The following CD34 variants were observed in gnomAD, a reference collection of about 807,000 sequenced individuals.
The protein encoded by CD34 is CD34 molecule, also known as hematopoietic progenitor cell antigen CD34.
Under a neutral mutation model 40.1 loss-of-function variants are expected in CD34, and 34 were observed. The observed-to-expected ratio is 0.85, with a 90% CI of 0.65 to 1.13. The LOEUF (loss-of-function observed/expected upper bound fraction) is 1.13, where lower values mean the gene tolerates loss of function less well. CD34 is among the 50% of genes most tolerant of loss of function. The probability of loss-of-function intolerance (pLI) is 0.00; values close to 1 mark genes in which losing one functional copy is unlikely to be tolerated. For synonymous variants in CD34, 209 were observed against 190.0 expected (o/e 1.10, Z -0.82); for missense variants, 426 against 466.9 (o/e 0.91, Z 0.81).
intron 2 of CD34, 79 bp from the exon 3 acceptor site, chr1:207,899,305 T>G: frequency 1.4e-6 from 2 of 1,461,120 alleles, no homozygotes; most frequent in Non-Finnish European, 9.5e-7. Context: ...GATATGGGCA[T>G]GCACTTCAAC....
At chr1:207,898,832 A>T (rs1662204604) in intron 3 of CD34, 141 bp downstream of exon 3, 2 of 890,064 alleles carry the variant, frequency 2.2e-6, no homozygotes, top group Non-Finnish European at 3.6e-6. Context: ...GCAATATTTA[A>T]ACTGTGTATT....
rs149122790 is a variant in CD34 at position 207,907,605 on chromosome 1, G to A, written c.79+3397C>T. 5.9e-3 allele frequency among the ~76,000 whole-genome samples: 904 copies of A among 152,206 alleles called. 6 individuals are homozygous for A. Among genetic ancestry groups the A allele is most frequent in the African/African-American group, 0.021 (858 of 41,494 alleles). On this transcript the variant is annotated intron_variant, in intron 1 of 7. Coordinates refer to ENST00000310833, the MANE Select transcript of CD34 (RefSeq NM_001025109.2). ...CCAATTAAGCCCAAAGGCCTTTTCC[G>A]TTGCATCTGAAGGGAAGTAACTCAT...
chr1:207,903,916 T>C (rs1477935267), intron 1 of CD34, among the ~76,000 whole-genome samples: 3 of 152,212 alleles, frequency 2.0e-5, no homozygotes, highest in African/African-American at 7.2e-5. Context: ...TATACCTTAA[T>C]AAGCATTAAT....
At chr1:207,909,869 C>G (rs886906465) in intron 1 of CD34, among the ~76,000 whole-genome samples, 4 of 152,348 alleles carry the variant, frequency 2.6e-5, no homozygotes, top group Admixed American at 2.6e-4. Context: ...CTGTCCCCAG[C>G]TGGGCGGACC....
rs374188146 is a variant in CD34, at chr1:207,887,844, C to T, written c.1052G>A (p.Gly351Glu). The T allele has an allele frequency of 1.9e-6, 3 of 1,614,204 alleles. No individual in the cohort carries two copies. Among genetic ancestry groups the T allele is most frequent in the Non-Finnish European group, 2.5e-6 (3 of 1,180,030 alleles). Reference protein sequence around the residue: ...SGPGTSPEAQGKASVNRGAQE... With the variant: ...SGPGTSPEAQEKASVNRGAQE... ...AGCCCCTCGGTTCACACTGGCCTTT[C>T]CCTGAGCCTCAGGGGAGGTCCCAGG... The change falls in exon 8 of 8, where the codon GGA (glycine) becomes GAA (glutamate). Residue 351 changes from glycine (G) to glutamate (E), a missense_variant. Coordinates refer to ENST00000310833, the MANE Select transcript of CD34 (RefSeq NM_001025109.2).
Position 207,899,014 on chromosome 1 carries a change from T to C in CD34, c.475A>G (p.Lys159Glu), listed in dbSNP as rs376801128. 6.2e-7 allele frequency: 1 copy of C among 1,614,084 alleles called. No individual in the cohort carries two copies. The highest frequency in any genetic ancestry group is 1.3e-5 in the African/African-American group (1 of 74,922). ...TSTSLATSPT[K>E]PYTSSSPILS... ...ATAGGAGAAGATGATGTATAGGGTT[T>C]AGTGGGAGATGTTGCAAGGCTAGTG... is the stretch of plus-strand genomic sequence containing the variant. The change falls in exon 3 of 8, where the codon AAA (lysine) becomes GAA (glutamate). Residue 159 changes from lysine to glutamate, a missense_variant. Physicochemically the swap from Lys to Glu is moderately conservative, Grantham distance 56. Coordinates refer to ENST00000310833, the MANE Select transcript of CD34 (RefSeq NM_001025109.2).
intron 1 of CD34, 147 bp downstream of exon 1, chr1:207,910,854 CG>C: frequency 3.9e-6 from 3 of 772,500 alleles, no homozygotes; most frequent in Non-Finnish European, 4.1e-6. Flanking sequence ...GCGCTGGCCC[CG>C]GGGGGAAGCA....
At chr1:207,903,194 T>C (rs1303609019) in intron 1 of CD34, among the ~76,000 whole-genome samples, 1 of 152,228 alleles carries the variant, frequency 6.6e-6, no homozygotes, top group Non-Finnish European at 1.5e-5. Flanking sequence ...CCTGGAGGAA[T>C]GACATTTATG....
At chr1:207,903,934 C>T (rs956044819) in intron 1 of CD34, among the ~76,000 whole-genome samples, 2 of 152,076 alleles carry the variant, frequency 1.3e-5, no homozygotes, top group African/African-American at 4.8e-5. Flanking sequence ...AATGATGTCA[C>T]TGAGTTGCAA....
chr1:207,910,333 C>G (rs761871185), intron 1 of CD34, among the ~76,000 whole-genome samples: 1 of 152,188 alleles, frequency 6.6e-6, no homozygotes, highest in African/African-American at 2.4e-5. Flanking sequence ...CAAATTCTGT[C>G]TACTTCTACC....
rs1208571407 is a variant in CD34 at position 207,885,404 on chromosome 1, AAGCATACATACACATTCC to A, written c.*2316_*2333del. 1 of 152,314 alleles carries A rather than the reference AAGCATACATACACATTCC, an allele frequency of 6.6e-6. No homozygotes were observed. Among genetic ancestry groups the A allele is most frequent in the African/African-American group, 2.4e-5 (1 of 41,390 alleles). The allele number at this position is 152,314 out of a possible 1,614,324, so 9.4% of individuals were successfully genotyped here. On this transcript the variant is annotated 3_prime_UTR_variant, in exon 8 of 8. Coordinates refer to ENST00000310833, the MANE Select transcript of CD34 (RefSeq NM_001025109.2). ...AATACACACACAGCCCTTCCTCCCA[AAGCATACATACACATTCC>A]AGCAAACTCAGGGTGAGATGCATTG... is the stretch of plus-strand genomic sequence containing the variant.
chr1:207,896,730 A>AT (rs987824110), intron 4 of CD34, among the ~76,000 whole-genome samples: 70 of 151,802 alleles, frequency 4.6e-4, no homozygotes, highest in Admixed American at 3.9e-4. Context: ...ATTTTAAAGC[A>AT]TTTTTTTTGC....
chr1:207,897,506 T>A lies in CD34; in HGVS notation c.584A>T (p.Lys195Met). Residue 195 changes from lysine (K) to methionine (M), a missense_variant, in exon 4 of 8, where the codon AAG (lysine) becomes ATG (methionine). By Grantham distance (95) the Lys-to-Met change is moderately conservative (BLOSUM62 -1). Coordinates refer to ENST00000310833, the MANE Select transcript of CD34 (RefSeq NM_001025109.2). ...GGGTTGACTTACACAGCTGGAGGTCTTATTTTGCTCCAGGCAGATGCCCTG... is the reference window on the plus strand; with the variant it reads ...GGGTTGACTTACACAGCTGGAGGTCATATTTTGCTCCAGGCAGATGCCCTG... ...LTQGICLEQN[K>M]TSSCAEFKKD... 6.4e-7 allele frequency: 1 copy of A among 1,559,132 alleles called. No individual in the cohort carries two copies. Among genetic ancestry groups the A allele is most frequent in the Non-Finnish European group, 8.7e-7 (1 of 1,149,688 alleles).
In CD34 at chr1:207,904,326, T is replaced by C. The variant is rs561963685; in HGVS notation, c.80-4323A>G. On this transcript the variant is annotated intron_variant, in intron 1 of 7. Transcript: ENST00000310833. The stretch of plus-strand genomic sequence containing the variant: ...AGGAGTTCCTGGGAATCTTAGTCCA[T>C]AGAGTTACAGAACTAGGATGAAGGG... Among the ~76,000 whole-genome samples the C allele has an allele frequency of 4.6e-5, 7 of 152,282 alleles. No individual in the cohort carries two copies. The South Asian group carries it at 1.2e-3, about 27-fold the overall frequency.
intron 1 of CD34, among the ~76,000 whole-genome samples, chr1:207,905,364 G>A: frequency 6.6e-6 from 1 of 152,228 alleles, no homozygotes; most frequent in East Asian, 1.9e-4. Flanking sequence ...TCAAACTCCT[G>A]ACCTCAGGTG....
At position 207,888,735 on chromosome 1, in the gene CD34, T is replaced by C. The variant is rs1338512560; in HGVS notation, c.919A>G (p.Thr307Ala). ...CGGCGATTCATCAGGAAATAGCCAG[T>C]GATGCCCAAGACAGCCAGCAGGGCT... ...SGALLAVLGI[T>A]GYFLMNRRSW... Residue 307 changes from threonine (T) to alanine (A), a missense_variant, in exon 7 of 8, where the codon ACT becomes GCT. Transcript: ENST00000310833. The C allele has an allele frequency of 3.1e-6, 5 of 1,614,114 alleles. No individual in the cohort carries two copies. Among genetic ancestry groups the C allele is most frequent in the Non-Finnish European group, 4.2e-6 (5 of 1,180,038 alleles).
At position 207,885,392 on chromosome 1, in the gene CD34, C is replaced by A. The variant is rs1661881526; in HGVS notation, c.*2346G>T. On this transcript the variant is annotated 3_prime_UTR_variant, in exon 8 of 8. Transcript: ENST00000310833. Reference sequence around the variant, plus strand: ...ACCCCACCCCGCAATACACACACAGCCCTTCCTCCCAAAGCATACATACAC... The same window carrying A: ...ACCCCACCCCGCAATACACACACAGACCTTCCTCCCAAAGCATACATACAC... The A allele has an allele frequency of 6.6e-6, 1 of 152,378 alleles. No individual in the cohort carries two copies. Among genetic ancestry groups the A allele is most frequent in the South Asian group, 2.1e-4 (1 of 4,822 alleles). The allele number at this position is 152,378 out of a possible 1,614,324, so 9.4% of individuals were successfully genotyped here.
chr1:207,897,720 G>C (rs759615557), intron 3 of CD34, 147 bp from the exon 4 acceptor site: 1 of 659,584 alleles, frequency 1.5e-6, no homozygotes, highest in East Asian at 2.7e-5. Flanking sequence ...AATTTGTCAG[G>C]GGACTAGAGA....
rs2102292468 is a variant in CD34 at position 207,885,324 on chromosome 1, T to G, written c.*2414A>C. The G allele has an allele frequency of 2.0e-5, 3 of 152,382 alleles. No individual in the cohort carries two copies. The East Asian group carries it at 5.8e-4, about 30-fold the overall frequency. The allele number at this position is 152,382 out of a possible 1,614,324, so 9.4% of individuals were successfully genotyped here. On this transcript the variant is annotated 3_prime_UTR_variant, in exon 8 of 8. Transcript: ENST00000310833. ...ATTTTTCCAGAAAGCAGGCAAATTC[T>G]TCAGGGCAAGCTGTCCAGCTGTCAG...
Sources: gnomAD v4.1 joint callset for allele counts (sites outside exome capture counted in the v4.1 genomes callset) on GRCh38, gnomAD v4.1.1 for gene constraint, MANE v1.5 for transcripts, NCBI Gene and HGNC (gene_info 2026-07-23, HGNC 2026-07-21) for gene names.